UBE2G2: variants seen among roughly 807,000 people sequenced by gnomAD.
UBE2G2 encodes ubiquitin conjugating enzyme E2 G2.
In UBE2G2, 10 loss-of-function variants were observed where a neutral mutation model predicts 23.0. The ratio of observed to expected loss-of-function variants is 0.43; its 90% CI spans 0.27 to 0.74. The LOEUF (loss-of-function observed/expected upper bound fraction) is 0.74, where lower values mean the gene tolerates loss of function less well. Ranked by LOEUF, UBE2G2 falls within the 30% of genes least tolerant of loss-of-function variation. The pLI, the probability that UBE2G2 is intolerant of heterozygous loss-of-function variation, is 0.19. For synonymous variants in UBE2G2, 86 were observed against 81.3 expected (o/e 1.06, Z -0.31); for missense variants, 150 against 218.3 (o/e 0.69, Z 1.97).
Position 44,794,340 on chromosome 21 carries a change from A to T in UBE2G2, c.44-6245T>A, listed in dbSNP as rs556679729. Among the ~76,000 whole-genome samples, 4 of 152,356 alleles carry T rather than the reference A, an allele frequency of 2.6e-5. No individual in the cohort carries two copies. In the South Asian group the frequency reaches 8.3e-4, roughly 32 times the overall value. ...TAAACCTTGGCCTTTATCTCATACCATATGGAAAACTTTGATATGGATCCC... is the reference window on the plus strand; with the variant it reads ...TAAACCTTGGCCTTTATCTCATACCTTATGGAAAACTTTGATATGGATCCC... On this transcript the variant is annotated intron_variant, in intron 1 of 5. Coordinates refer to ENST00000345496, the MANE Select transcript of UBE2G2 (RefSeq NM_003343.6).
chr21:44,796,527 C>T (rs908193798), intron 1 of UBE2G2, among the ~76,000 whole-genome samples: 1 of 152,042 alleles, frequency 6.6e-6, no homozygotes, highest in Non-Finnish European at 1.5e-5. Context: ...ACAAAAAAAA[C>T]CAGTAAATGA....
chr21:44,779,326 A>T, intron 3 of UBE2G2: 2 of 232,862 alleles, frequency 8.6e-6, no homozygotes, highest in South Asian at 6.6e-5. Context: ...CTACCTTTTC[A>T]GAAGAAGATA....
chr21:44,788,103 A>G lies in UBE2G2; in HGVS notation c.44-8T>C. ...GAGGATTCAGTGTTAATTCTATAAA[A>G]TTAATAAGTAAAACCATTACCAAAC... On this transcript the variant is annotated splice_polypyrimidine_tract_variant and splice_region_variant and intron_variant, in intron 1 of 5. Transcript: ENST00000345496. 1.3e-6 allele frequency: 2 copies of G among 1,597,982 alleles called. No homozygotes were observed. The highest frequency in any genetic ancestry group is 4.5e-5 in the East Asian group (2 of 44,754).
intron 1 of UBE2G2, among the ~76,000 whole-genome samples, chr21:44,797,103 A>AT (rs1555963938): frequency 1.3e-5 from 2 of 152,234 alleles, no homozygotes; most frequent in Non-Finnish European, 2.9e-5. Flanking sequence ...TAACAAGGGC[A>AT]TGGGAATCTT....
chr21:44,797,432 G>C (rs2146408017), intron 1 of UBE2G2, among the ~76,000 whole-genome samples: 1 of 152,238 alleles, frequency 6.6e-6, no homozygotes, highest in East Asian at 1.9e-4. Context: ...ATAAAAATGA[G>C]AAGGCCGGGC....
intron 3 of UBE2G2, chr21:44,785,776 CTT>C (rs2082991990): frequency 6.6e-6 from 1 of 152,172 alleles, no homozygotes; most frequent in Non-Finnish European, 1.5e-5. Flanking sequence ...TAAACGGCCT[CTT>C]GTTTGTGAAG....
chr21:44,789,627 C>CA (rs200077478), intron 1 of UBE2G2, among the ~76,000 whole-genome samples: 1,686 of 150,272 alleles, frequency 0.011, 34 homozygotes, highest in African/African-American at 0.038. Flanking sequence ...ATCTCTAAGA[C>CA]AAAAAAAAAT....
chr21:44,799,698 C>A (rs2083120322), intron 1 of UBE2G2, among the ~76,000 whole-genome samples: 1 of 152,220 alleles, frequency 6.6e-6, no homozygotes, highest in Non-Finnish European at 1.5e-5. Context: ...AAGGCTTTTT[C>A]ACTTTATCAT....
At chr21:44,789,485 TCAAAGTTAAATTGAACAATGGGGCA>T (rs1213253257) in intron 1 of UBE2G2, among the ~76,000 whole-genome samples, 4 of 150,976 alleles carry the variant, frequency 2.6e-5, no homozygotes, top group African/African-American at 9.7e-5. Context: ...TAGCACTGGC[TCAAAGTTAAATTGAACAATGGGGCA>T]CAAGAGAAAG....
chr21:44,801,813 C>T lies in UBE2G2; in HGVS notation c.-65G>A. ...GCGCGCGTGCCTCCTGCCCCGACACCGGGGACTGCTTCCGGGCCACCGTCG... is the reference window on the plus strand; with the variant it reads ...GCGCGCGTGCCTCCTGCCCCGACACTGGGGACTGCTTCCGGGCCACCGTCG... On this transcript the variant is annotated 5_prime_UTR_variant, in exon 1 of 6. Coordinates refer to ENST00000345496, the MANE Select transcript of UBE2G2 (RefSeq NM_003343.6). The T allele has an allele frequency of 2.7e-6, 4 of 1,484,520 alleles. No individual in the cohort carries two copies. The highest frequency in any genetic ancestry group is 1.5e-5 in the African/African-American group (1 of 68,130). The allele number at this position is 1,484,520 out of a possible 1,614,324, so 92.0% of individuals were successfully genotyped here.
At position 44,801,698 on chromosome 21, in the gene UBE2G2, A is replaced by C. The variant is rs781884171; in HGVS notation, c.43+8T>G. On this transcript the variant is annotated splice_region_variant and intron_variant, in intron 1 of 5. Transcript: ENST00000345496. ...GACGCTGCTGACGGCCCGGGTCCCC[A>C]GACTCACGTTTGTACTCGGCCATCA... 25 of 1,514,564 alleles carry C rather than the reference A, an allele frequency of 1.7e-5. No homozygotes were observed. The highest frequency in any genetic ancestry group is 5.8e-5 in the African/African-American group (4 of 68,814). 93.8% of individuals were successfully genotyped at this position (1,514,564 alleles called of 1,614,324 possible).
rs530680046 is a variant in UBE2G2 at position 44,768,797 on chromosome 21, T to G, written c.*2580A>C. The G allele has an allele frequency of 6.6e-6, 1 of 152,342 alleles. No homozygotes were observed. The highest frequency in any genetic ancestry group is 2.1e-4 in the South Asian group (1 of 4,828). The allele number at this position is 152,342 out of a possible 1,614,324, so 9.4% of individuals were successfully genotyped here. ...ACACAATGGCATCTGCTGAAAAAGC[T>G]GCAAAATGTCATTTATAGGTTAGTG... On this transcript the variant is annotated 3_prime_UTR_variant, in exon 6 of 6. Transcript: ENST00000345496.
chr21:44,772,884 A>T lies in UBE2G2; in HGVS notation c.385+663T>A, dbSNP rs2082884388. Among the ~76,000 whole-genome samples, 1 of 152,168 alleles carries T rather than the reference A, an allele frequency of 6.6e-6. No individual in the cohort carries two copies. The highest frequency in any genetic ancestry group is 2.4e-5 in the African/African-American group (1 of 41,414). ...TGCAAGGATGGCCCTTCGAAGGCAC[A>T]GCTCACAGGACATCACACCCCCAAC... On this transcript the variant is annotated intron_variant, in intron 5 of 5. Coordinates refer to ENST00000345496, the MANE Select transcript of UBE2G2 (RefSeq NM_003343.6). The surrounding 1 kb of genome is among the most constrained non-coding windows in gnomAD (Gnocchi z 5.4).
At chr21:44,791,230 G>A (rs184039612) in intron 1 of UBE2G2, among the ~76,000 whole-genome samples, 2 of 152,272 alleles carry the variant, frequency 1.3e-5, no homozygotes, top group East Asian at 1.9e-4. Flanking sequence ...ATTTTCTGGA[G>A]AGAAATTCAA....
intron 1 of UBE2G2, among the ~76,000 whole-genome samples, chr21:44,791,845 T>C (rs1037042308): frequency 6.6e-6 from 1 of 151,758 alleles, no homozygotes; most frequent in Non-Finnish European, 1.5e-5. Context: ...ACCATGAAAG[T>C]AGCTGAAGGG....
In UBE2G2 at chr21:44,801,633, AG is replaced by A. The variant is rs1386713229; in HGVS notation, c.43+72del. 14 of 1,476,516 alleles carry A rather than the reference AG, an allele frequency of 9.5e-6. No individual in the cohort carries two copies. The South Asian group carries it at 1.7e-4, about 18-fold the overall frequency. 91.5% of individuals were successfully genotyped at this position (1,476,516 alleles called of 1,614,324 possible). A position where few individuals can be genotyped will look rare whatever the true frequency, so the allele number is the denominator to read the frequency against. On this transcript the variant is annotated intron_variant, in intron 1 of 5. Coordinates refer to ENST00000345496, the MANE Select transcript of UBE2G2 (RefSeq NM_003343.6). ...GCTCCCCCGCCAGGCTCCCTGCCCC[AG>A]CCCCGCCGGACGACGCGGGCCCGGG...
intron 3 of UBE2G2, among the ~76,000 whole-genome samples, chr21:44,778,183 CA>C (rs1379476163): frequency 1.3e-5 from 2 of 152,182 alleles, no homozygotes; most frequent in Non-Finnish European, 2.9e-5. Flanking sequence ...AGTTGTATTT[CA>C]AAGGTGATTT....
intron 1 of UBE2G2, among the ~76,000 whole-genome samples, chr21:44,789,511 C>G (rs11088963): frequency 0.41 from 62,803 of 151,424 alleles, 13,679 homozygotes; most frequent in Non-Finnish European, 0.49. Flanking sequence ...CAATGGGGCA[C>G]AAGAGAAAGC....
intron 1 of UBE2G2, among the ~76,000 whole-genome samples, chr21:44,793,599 A>G (rs116153836): frequency 1.3e-3 from 184 of 146,006 alleles, no homozygotes; most frequent in African/African-American, 4.6e-3. Context: ...CTTCCAAAGC[A>G]TATACACGCG....
Sources: allele counts gnomAD v4.1 joint callset (sites outside exome capture counted in the v4.1 genomes callset), GRCh38; gene constraint gnomAD v4.1.1; non-coding constraint Gnocchi (gnomAD v3.1); transcripts MANE v1.5; gene names NCBI Gene and HGNC (gene_info 2026-07-23, HGNC 2026-07-21).